TBL3: variants seen among roughly 807,000 people sequenced by gnomAD.
TBL3 encodes the protein transducin beta-like protein 3.
TBL3 carries 71 observed loss-of-function variants against 102.7 expected under a neutral mutation model. The observed-to-expected ratio is 0.69, with a 90% CI of 0.57 to 0.84. The LOEUF (loss-of-function observed/expected upper bound fraction) is 0.84, where lower values mean the gene tolerates loss of function less well. TBL3 is among the 40% of genes least tolerant of loss of function. The pLI, the probability that TBL3 is intolerant of heterozygous loss-of-function variation, is 0.00. For synonymous variants in TBL3, 578 were observed against 477.7 expected (o/e 1.21, Z -2.74); for missense variants, 1,188 against 1,098.5 (o/e 1.08, Z -1.15).
At chr16:1,976,634 G>A (rs35938501) in intron 13 of TBL3, among the ~76,000 whole-genome samples, 180 bp from the exon 14 acceptor site, 12,134 of 152,212 alleles carry the variant, frequency 0.08, 563 homozygotes, top group Non-Finnish European at 0.092. Flanking sequence ...CCGGTGCTGC[G>A]GGTGGACAAT....
At position 1,975,359 on chromosome 16, in the gene TBL3, T is replaced by C. The variant is rs1456128613; in HGVS notation, c.726T>C (p.Ala242=). The C allele has an allele frequency of 6.2e-7, 1 of 1,613,910 alleles. No homozygotes were observed. The highest frequency in any genetic ancestry group is 8.5e-7 in the Non-Finnish European group (1 of 1,180,026). ...TVPVFESVEA[A]VLLPEEPVSQ... The stretch of plus-strand genomic sequence containing the variant: ...TTCGTCTCCAGAGCGTGGAGGCTGC[T>C]GTGCTGTTGCCAGAGGAGCCAGTGT... The change falls in exon 9 of 22, where the codon GCT becomes GCC. Residue 242 remains alanine, a synonymous_variant. Coordinates refer to ENST00000568546, the MANE Select transcript of TBL3 (RefSeq NM_006453.3).
At position 1,980,362 on chromosome 16, in the gene TBL3, G is replaced by T; in HGVS notation, c.*1677G>T. 1 of 1,599,082 alleles carries T rather than the reference G, an allele frequency of 6.3e-7. No individual in the cohort carries two copies. Among genetic ancestry groups the T allele is most frequent in the South Asian group, 1.1e-5 (1 of 90,834 alleles). The stretch of plus-strand genomic sequence containing the variant: ...CATGCTGGGAGTTTGGGGCGAGTCA[G>T]GCACCTGCCGGGTGGCAGCGCGGGC... On this transcript the variant is annotated 3_prime_UTR_variant, in exon 22 of 22. Transcript: ENST00000568546.
At position 1,979,121 on chromosome 16, in the gene TBL3, C is replaced by A; in HGVS notation, c.*436C>A. ...GAGGGCGGCCCTGGCGCCGTGGGCG[C>A]CGCTCCAGGGCCCTGCGTGTGACGG... On this transcript the variant is annotated 3_prime_UTR_variant, in exon 22 of 22. Transcript: ENST00000568546. The A allele has an allele frequency of 6.7e-7, 1 of 1,488,632 alleles. No homozygotes were observed. Among genetic ancestry groups the A allele is most frequent in the Non-Finnish European group, 8.8e-7 (1 of 1,133,872 alleles). The allele number at this position is 1,488,632 out of a possible 1,614,324, so 92.2% of individuals were successfully genotyped here.
In TBL3 at chr16:1,978,826, G is replaced by A; in HGVS notation, c.*141G>A. The A allele has an allele frequency of 2.4e-6, 3 of 1,248,628 alleles. No homozygotes were observed. Among genetic ancestry groups the A allele is most frequent in the Non-Finnish European group, 3.3e-6 (3 of 902,650 alleles). The allele number at this position is 1,248,628 out of a possible 1,614,324, so 77.3% of individuals were successfully genotyped here. Reference sequence around the variant, plus strand: ...CTACCTAGCCAGCCAGAAGGGCACTGGAGCTGATGGTCTCGGCCCTGCCAC... The same window carrying A: ...CTACCTAGCCAGCCAGAAGGGCACTAGAGCTGATGGTCTCGGCCCTGCCAC... On this transcript the variant is annotated 3_prime_UTR_variant, in exon 22 of 22. Transcript: ENST00000568546.
rs2083388387 is a variant in TBL3 at position 1,974,978 on chromosome 16, C to T, written c.515C>T (p.Ala172Val). ...DPTRLLLFSSATDAAIRVWSL... is the reference protein window; with the variant it reads ...DPTRLLLFSSVTDAAIRVWSL... The stretch of plus-strand genomic sequence containing the variant: ...ACACGCCTGCTGCTCTTCTCCTCGG[C>T]CACGGATGCCGCCATCCGCGTGTGG... Residue 172 changes from alanine (A) to valine (V), a missense_variant, in exon 7 of 22, where the codon GCC becomes GTC. Ala to Val is a moderately conservative substitution (Grantham distance 64, BLOSUM62 0). Coordinates refer to ENST00000568546, the MANE Select transcript of TBL3 (RefSeq NM_006453.3). The T allele has an allele frequency of 1.2e-6, 2 of 1,608,710 alleles. No individual in the cohort carries two copies. The highest frequency in any genetic ancestry group is 1.1e-5 in the South Asian group (1 of 91,086).
Position 1,980,530 on chromosome 16 carries a change from C to T in TBL3, c.*1845C>T. The T allele has an allele frequency of 6.2e-7, 1 of 1,603,522 alleles. No homozygotes were observed. Among genetic ancestry groups the T allele is most frequent in the East Asian group, 2.2e-5 (1 of 44,814 alleles). The stretch of plus-strand genomic sequence containing the variant: ...CCGCGGCTCGTGCGCCCCACGCGTC[C>T]CAACAGTGGTGCATCTTAAGGCACC... On this transcript the variant is annotated 3_prime_UTR_variant, in exon 22 of 22. Transcript: ENST00000568546.
chr16:1,980,546 T>C lies in TBL3; in HGVS notation c.*1861T>C. ...CCACGCGTCCCAACAGTGGTGCATCTTAAGGCACCACAAAAACGTACTGTG... is the reference window on the plus strand; with the variant it reads ...CCACGCGTCCCAACAGTGGTGCATCCTAAGGCACCACAAAAACGTACTGTG... On this transcript the variant is annotated 3_prime_UTR_variant, in exon 22 of 22. Transcript: ENST00000568546. 6.2e-7 allele frequency: 1 copy of C among 1,601,030 alleles called. No individual in the cohort carries two copies. The highest frequency in any genetic ancestry group is 8.5e-7 in the Non-Finnish European group (1 of 1,175,348).
chr16:1,978,632 G>A lies in TBL3; in HGVS notation c.2374G>A (p.Val792Met), dbSNP rs139314434. 118 of 1,612,620 alleles carry A rather than the reference G, an allele frequency of 7.3e-5. No individual in the cohort carries two copies. The African/African-American group carries it at 1.2e-3, about 17-fold the overall frequency. The change falls in exon 22 of 22, where the codon GTG becomes ATG. Residue 792 changes from valine (V) to methionine (M), a missense_variant. Physicochemically the swap from Val to Met is conservative, Grantham distance 21 (BLOSUM62 1). Transcript: ENST00000568546. ...CCTGTGGCACAACATGAAGCTCCCT[G>A]TGCCGGCCGCCGCCCCCACCCCCTG... is the stretch of plus-strand genomic sequence containing the variant. ...DFLWHNMKLP[V>M]PAAAPTPWET...
In TBL3 at chr16:1,974,037, C is replaced by A; in HGVS notation, c.42-19C>A. 1 of 1,537,138 alleles carries A rather than the reference C, an allele frequency of 6.5e-7. No homozygotes were observed. Among genetic ancestry groups the A allele is most frequent in the Non-Finnish European group, 8.8e-7 (1 of 1,136,426 alleles). On this transcript the variant is annotated intron_variant, in intron 1 of 21. Coordinates refer to ENST00000568546, the MANE Select transcript of TBL3 (RefSeq NM_006453.3). The stretch of plus-strand genomic sequence containing the variant: ...TGAGGGGGTGGGTGGTGCTCATTCG[C>A]CTCCCGCTCTCCTTCCAGCTATGCT...
chr16:1,980,760 T>C lies in TBL3; in HGVS notation c.*2075T>C, dbSNP rs1353947004. ...AGGGCGGGAACCAGGGCATTGGTCT[T>C]CCAGAGCCCACTGTGCACCCTTGAG... On this transcript the variant is annotated 3_prime_UTR_variant, in exon 22 of 22. Transcript: ENST00000568546. The C allele has an allele frequency of 6.4e-7, 1 of 1,570,442 alleles. No homozygotes were observed. The highest frequency in any genetic ancestry group is 8.7e-7 in the Non-Finnish European group (1 of 1,154,182).
chr16:1,981,324 G>GC lies in TBL3; in HGVS notation c.*2643dup. ...AAGCCTGTGGGGTCCTTGTGGAGCCGCCCCAGCTGAGTCCTTTGCAGCTTT... is the reference window on the plus strand; with the variant it reads ...AAGCCTGTGGGGTCCTTGTGGAGCCGCCCCCAGCTGAGTCCTTTGCAGCTTT... On this transcript the variant is annotated 3_prime_UTR_variant, in exon 22 of 22. Transcript: ENST00000568546. The GC allele has an allele frequency of 6.9e-7, 1 of 1,449,040 alleles. No individual in the cohort carries two copies. Among genetic ancestry groups the GC allele is most frequent in the Non-Finnish European group, 9.1e-7 (1 of 1,103,798 alleles). The allele number at this position is 1,449,040 out of a possible 1,614,324, so 89.8% of individuals were successfully genotyped here.
chr16:1,977,456 A>AGTGGGGG, intron 16 of TBL3, 30 bp downstream of exon 16: 1 of 743,766 alleles, frequency 1.3e-6, no homozygotes, highest in Admixed American at 2.1e-5. Flanking sequence ...GCAGCGATGG[A>AGTGGGGG]GTGGGGGGTG....
rs752829387 is a variant in TBL3, at chr16:1,978,362, C to T, written c.2184C>T (p.Cys728=). 2 of 1,611,550 alleles carry T rather than the reference C, an allele frequency of 1.2e-6. No individual in the cohort carries two copies. The highest frequency in any genetic ancestry group is 1.7e-6 in the Non-Finnish European group (2 of 1,179,178). The stretch of plus-strand genomic sequence containing the variant: ...CGTGGAACACCAACTCGCGGCACTG[C>T]CACGAGGCCCAGGCCGTGCTGGGTG... ...CVTWNTNSRH[C]HEAQAVLGVL... Residue 728 remains cysteine (C), a synonymous_variant, in exon 21 of 22, where the codon TGC becomes TGT. Coordinates refer to ENST00000568546, the MANE Select transcript of TBL3 (RefSeq NM_006453.3).
In TBL3 at chr16:1,972,089, C is replaced by A; in HGVS notation, c.-76C>A. The A allele has an allele frequency of 7.8e-6, 11 of 1,405,578 alleles. No homozygotes were observed. Among genetic ancestry groups the A allele is most frequent in the African/African-American group, 1.5e-5 (1 of 66,142 alleles). 87.1% of individuals were successfully genotyped at this position (1,405,578 alleles called of 1,614,324 possible). A position where few individuals can be genotyped will look rare whatever the true frequency, so the allele number is the denominator to read the frequency against. ...GGAGTGTGGCGTTCTGTGAAGAGTT[C>A]GGTGCTAACCTCCCTCACGCGGCGG... is the stretch of plus-strand genomic sequence containing the variant. On this transcript the variant is annotated 5_prime_UTR_variant, in exon 1 of 22. Coordinates refer to ENST00000568546, the MANE Select transcript of TBL3 (RefSeq NM_006453.3).
In TBL3 at chr16:1,981,228, T is replaced by C. The variant is rs757920087; in HGVS notation, c.*2543T>C. The C allele has an allele frequency of 1.9e-6, 3 of 1,610,808 alleles. No homozygotes were observed. Among genetic ancestry groups the C allele is most frequent in the South Asian group, 2.2e-5 (2 of 90,890 alleles). ...TTCCTGAAATGGGCGAGGACCCTTCTGCCTCCCCGTGCTTGAGAGGGCTCT... is the reference window on the plus strand; with the variant it reads ...TTCCTGAAATGGGCGAGGACCCTTCCGCCTCCCCGTGCTTGAGAGGGCTCT... On this transcript the variant is annotated 3_prime_UTR_variant, in exon 22 of 22. Transcript: ENST00000568546.
chr16:1,979,896 C>T lies in TBL3; in HGVS notation c.*1211C>T, dbSNP rs1265659891. On this transcript the variant is annotated 3_prime_UTR_variant, in exon 22 of 22. Coordinates refer to ENST00000568546, the MANE Select transcript of TBL3 (RefSeq NM_006453.3). ...TCTGCCGGTCTTCGTTCTCCACCAG[C>T]CACCAGCCTGTGCGCAAGAAGCGGG... 19 of 1,583,614 alleles carry T rather than the reference C, an allele frequency of 1.2e-5. No individual in the cohort carries two copies. The highest frequency in any genetic ancestry group is 1.6e-5 in the Non-Finnish European group (19 of 1,165,786).
chr16:1,979,718 G>T lies in TBL3; in HGVS notation c.*1033G>T. 5 of 1,301,080 alleles carry T rather than the reference G, an allele frequency of 3.8e-6. No homozygotes were observed. The highest frequency in any genetic ancestry group is 1.4e-5 in the South Asian group (1 of 69,142). 80.6% of individuals were successfully genotyped at this position (1,301,080 alleles called of 1,614,324 possible). The stretch of plus-strand genomic sequence containing the variant: ...CGGGCTCCTGGCCCGCCCTGCCCGC[G>T]GTGCTTCTGGCCCAGTCTTGCCACA... On this transcript the variant is annotated 3_prime_UTR_variant, in exon 22 of 22. Coordinates refer to ENST00000568546, the MANE Select transcript of TBL3 (RefSeq NM_006453.3).
Position 1,972,211 on chromosome 16 carries a change from C to A in TBL3, c.41+6C>A, listed in dbSNP as rs1330064261. 2.4e-5 allele frequency: 33 copies of A among 1,393,116 alleles called. No homozygotes were observed. In the Middle Eastern group the frequency reaches 9.3e-4, roughly 39 times the overall value. The allele number at this position is 1,393,116 out of a possible 1,614,324, so 86.3% of individuals were successfully genotyped here. A position where few individuals can be genotyped will look rare whatever the true frequency, so the allele number is the denominator to read the frequency against. Reference sequence around the variant, plus strand: ...GTGGGCCGCTTCAAGACCAAGTGAGCCCGGAGCTCTGGGGCCGTGCGGGGA... The same window carrying A: ...GTGGGCCGCTTCAAGACCAAGTGAGACCGGAGCTCTGGGGCCGTGCGGGGA... On this transcript the variant is annotated splice_donor_region_variant and intron_variant, in intron 1 of 21. Transcript: ENST00000568546.
rs377764281 is a variant in TBL3, at chr16:1,975,526, C to T, written c.806-3C>T. 588 of 1,597,732 alleles carry T rather than the reference C, an allele frequency of 3.7e-4. No individual in the cohort carries two copies. Among genetic ancestry groups the T allele is most frequent in the Non-Finnish European group, 4.8e-4 (560 of 1,175,286 alleles). The stretch of plus-strand genomic sequence containing the variant: ...CTCAGCAGCCCTGTCCCCACCCACA[C>T]AGGCACTCTGCGCGTGTGGGAGGCA... On this transcript the variant is annotated splice_region_variant and splice_polypyrimidine_tract_variant and intron_variant, in intron 9 of 21. Coordinates refer to ENST00000568546, the MANE Select transcript of TBL3 (RefSeq NM_006453.3).
Sources: gnomAD v4.1 joint callset for allele counts (sites outside exome capture counted in the v4.1 genomes callset) on GRCh38, gnomAD v4.1.1 for gene constraint, MANE v1.5 for transcripts, NCBI Gene and HGNC (gene_info 2026-07-23, HGNC 2026-07-21) for gene names.